The following SYT12 variants were observed in gnomAD, a reference collection of about 807,000 sequenced individuals.
The protein encoded by SYT12 is synaptotagmin-12.
SYT12 carries 27 observed loss-of-function variants against 39.5 expected under a neutral mutation model. That is an observed-to-expected ratio of 0.68 (90% confidence interval 0.50 to 0.94). SYT12 has a LOEUF of 0.94. SYT12 is among the 40% of genes least tolerant of loss of function. SYT12 has a pLI of 0.00. For missense variants in SYT12, 536 were observed against 572.6 expected, an observed-to-expected ratio of 0.94 and a Z score of 0.65; for synonymous variants, 233 against 239.7, an observed-to-expected ratio of 0.97 and a Z score of 0.26.
At position 67,030,156 on chromosome 11, in the gene SYT12, T is replaced by A. The variant is rs1208653892; in HGVS notation, c.12T>A (p.Asp4Glu). 6.2e-7 allele frequency: 1 copy of A among 1,613,968 alleles called. No homozygotes were observed. Among genetic ancestry groups the A allele is most frequent in the African/African-American group, 1.3e-5 (1 of 74,946 alleles). ...CTGCAGCAGACATCATGGCTGTGGA[T>A]GTGGCAGAATACCATCTGAGCGGTG... MAV[D>E]VAEYHLSVIK... Residue 4 changes from aspartate (D) to glutamate (E), a missense_variant, in exon 2 of 8, where the codon GAT becomes GAA. By Grantham distance (45) the Asp-to-Glu change is conservative. Transcript: ENST00000527043.
At chr11:67,030,235 C>T (rs2062801290) in intron 2 of SYT12, 57 bp downstream of exon 2, 1 of 1,591,546 alleles carries the variant, frequency 6.3e-7, no homozygotes, top group Admixed American at 1.7e-5. Context: ...TTACACCAGG[C>T]CTGGGTGGGA....
intron 3 of SYT12, among the ~76,000 whole-genome samples, chr11:67,037,653 T>C (rs952887845): frequency 6.6e-6 from 1 of 151,824 alleles, no homozygotes; most frequent in South Asian, 2.1e-4. Context: ...GAAGCTGAGG[T>C]GGGCATCACC....
chr11:67,043,924 T>C, intron 5 of SYT12, 71 bp downstream of exon 5: 1 of 1,308,574 alleles, frequency 7.6e-7, no homozygotes, highest in East Asian at 2.4e-5. Flanking sequence ...AGGGACTCCA[T>C]CATCCTCATC....
rs776280177 is a variant in SYT12, at chr11:67,043,838, A to G, written c.822A>G (p.Leu274=). 1 of 1,614,006 alleles carries G rather than the reference A, an allele frequency of 6.2e-7. No homozygotes were observed. The highest frequency in any genetic ancestry group is 1.7e-5 in the Admixed American group (1 of 60,022). Residue 274 remains leucine (L), a synonymous_variant, in exon 5 of 8, where the codon TTA becomes TTG. Coordinates refer to ENST00000527043, the MANE Select transcript of SYT12 (RefSeq NM_177963.4). ...AGCCCTTCAGTGGCTGGCTCTATTTACAGGACCAGAACAAGGTAAGTGACT... is the reference window on the plus strand; with the variant it reads ...AGCCCTTCAGTGGCTGGCTCTATTTGCAGGACCAGAACAAGGTAAGTGACT... ...PLQPFSGWLY[L]QDQNKAADAV...
rs546381752 is a variant in SYT12, at chr11:67,036,869, T to C, written c.228+2031T>C. ...CTGGTGGATCACCTGAGGTCGTGAG[T>C]TTGAGACCAGCCTGCCCAACATGGA... On this transcript the variant is annotated intron_variant, in intron 3 of 7. Transcript: ENST00000527043. Among the ~76,000 whole-genome samples the C allele has an allele frequency of 3.9e-5, 6 of 152,194 alleles. No homozygotes were observed. The South Asian group carries it at 1.2e-3, about 32-fold the overall frequency.
intron 4 of SYT12, among the ~76,000 whole-genome samples, chr11:67,042,421 G>A (rs1416227655): frequency 6.6e-6 from 1 of 152,170 alleles, no homozygotes; most frequent in Non-Finnish European, 1.5e-5. Flanking sequence ...GGTTCACAGA[G>A]CCCAGTGCAT....
intron 4 of SYT12, among the ~76,000 whole-genome samples, chr11:67,042,041 A>G (rs1400962639): frequency 1.3e-5 from 2 of 152,094 alleles, no homozygotes; most frequent in Non-Finnish European, 2.9e-5. Flanking sequence ...TAGGGCATCA[A>G]GTTGGGGTGG....
At chr11:67,047,018 G>A (rs1420850304) in intron 7 of SYT12, among the ~76,000 whole-genome samples, 2 of 151,874 alleles carry the variant, frequency 1.3e-5, no homozygotes, top group Non-Finnish European at 2.9e-5. Context: ...AAGCTGGAGT[G>A]CAATGGTGTG....
chr11:67,046,571 C>A (rs1319487075), intron 7 of SYT12, among the ~76,000 whole-genome samples: 1 of 152,202 alleles, frequency 6.6e-6, no homozygotes, highest in Non-Finnish European at 1.5e-5. Context: ...TGTAAAGGCC[C>A]AGAATCTGCC....
At position 67,040,032 on chromosome 11, in the gene SYT12, C is replaced by G. The variant is rs572552856; in HGVS notation, c.450C>G (p.Asp150Glu). The G allele has an allele frequency of 6.2e-7, 1 of 1,613,968 alleles. No homozygotes were observed. The highest frequency in any genetic ancestry group is 1.7e-5 in the Admixed American group (1 of 60,024). Reference protein sequence around the residue: ...ISSVSNTFGQDFTLGQVEVSM... With the variant: ...ISSVSNTFGQEFTLGQVEVSM... The stretch of plus-strand genomic sequence containing the variant: ...CCGTGAGCAACACCTTTGGGCAGGA[C>G]TTCACACTGGGCCAGGTGGAGGTGA... Residue 150 changes from aspartate (D) to glutamate (E), a missense_variant, in exon 4 of 8, where the codon GAC becomes GAG. Asp to Glu is a conservative substitution (Grantham distance 45, BLOSUM62 2). Coordinates refer to ENST00000527043, the MANE Select transcript of SYT12 (RefSeq NM_177963.4).
rs1565337193 is a variant in SYT12 at position 67,035,793 on chromosome 11, C to CTTTT, written c.228+955_228+956insTTTT. The stretch of plus-strand genomic sequence containing the variant: ...TCTTTTCTTTTCTTTTCTTTTCTTT[C>CTTTT]CTTCCTTCCTTCCTTCCTTCCTTCC... On this transcript the variant is annotated intron_variant, in intron 3 of 7. Transcript: ENST00000527043. Among the ~76,000 whole-genome samples, 42 of 42,876 alleles carry CTTTT rather than the reference C, an allele frequency of 9.8e-4. 1 individual carries two copies. The highest frequency in any genetic ancestry group is 3.2e-3 in the African/African-American group (40 of 12,358). The allele number at this position is 42,876 out of a possible 152,430, so 28.1% of individuals were successfully genotyped here. A position where few individuals can be genotyped will look rare whatever the true frequency, so the allele number is the denominator to read the frequency against.
chr11:67,020,256 C>T (rs911571548), upstream of SYT12, among the ~76,000 whole-genome samples: 1 of 152,100 alleles, frequency 6.6e-6, no homozygotes, highest in Non-Finnish European at 1.5e-5. Context: ...AAGGGAGAGT[C>T]CCTGAGGCGG....
At chr11:67,043,914 AG>A in intron 5 of SYT12, 61 bp downstream of exon 5, 1 of 1,485,462 alleles carries the variant, frequency 6.7e-7, no homozygotes, top group East Asian at 2.3e-5. Context: ...ACTTCCAGGA[AG>A]GGACTCCATC....
At chr11:67,044,556 G>GT (rs1950574204) in intron 5 of SYT12, 37 bp from the exon 6 acceptor site, 1 of 1,603,418 alleles carries the variant, frequency 6.2e-7, no homozygotes, top group African/African-American at 1.3e-5. Context: ...CAAGTCGGGT[G>GT]GGGAGAAGCC....
chr11:67,039,758 G>T, intron 3 of SYT12, 53 bp from the exon 4 acceptor site: 2 of 1,550,558 alleles, frequency 1.3e-6, no homozygotes, highest in South Asian at 2.4e-5. Context: ...GTCTCCCAGT[G>T]ACCTTGCCTA....
intron 2 of SYT12, among the ~76,000 whole-genome samples, chr11:67,033,412 C>T (rs564280267): frequency 3.3e-5 from 5 of 152,340 alleles, no homozygotes; most frequent in South Asian, 2.1e-4. Context: ...TGACTCAACC[C>T]TGGCTACCCA....
intron 2 of SYT12, 125 bp downstream of exon 2, chr11:67,030,303 C>A: frequency 8.8e-7 from 1 of 1,141,146 alleles, no homozygotes; most frequent in Non-Finnish European, 1.2e-6. Flanking sequence ...CTGTCAAGGA[C>A]AGTCAGTGAC....
chr11:67,041,449 C>T (rs1412419789), intron 4 of SYT12, among the ~76,000 whole-genome samples: 3 of 151,878 alleles, frequency 2.0e-5, no homozygotes, highest in Non-Finnish European at 2.9e-5. Context: ...CCAGCCTGGG[C>T]GACAGAGTGA....
upstream of SYT12, among the ~76,000 whole-genome samples, chr11:67,022,148 TC>T (rs1312017132): frequency 2.6e-5 from 4 of 151,896 alleles, no homozygotes; most frequent in African/African-American, 9.7e-5. Flanking sequence ...TTTCTAGGGC[TC>T]CCCAGCATCC....
Sources: gnomAD v4.1 joint callset for allele counts (sites outside exome capture counted in the v4.1 genomes callset) on GRCh38, gnomAD v4.1.1 for gene constraint, MANE v1.5 for transcripts, NCBI Gene and HGNC (gene_info 2026-07-23, HGNC 2026-07-21) for gene names.